Variants in KCNIP1 observed in about 807,000 individuals in gnomAD.
KCNIP1 encodes A-type potassium channel modulatory protein KCNIP1.
Under a neutral mutation model 33.0 loss-of-function variants are expected in KCNIP1, and 18 were observed. The observed-to-expected ratio is 0.55, with a 90% CI of 0.38 to 0.81. KCNIP1 has a LOEUF of 0.81. Ranked by LOEUF, KCNIP1 falls within the 30% of genes least tolerant of loss-of-function variation. The pLI is 0.00. For missense variants in KCNIP1, 238 were observed against 271.6 expected, an observed-to-expected ratio of 0.88 and a Z score of 0.87; for synonymous variants, 93 against 98.3, an observed-to-expected ratio of 0.95 and a Z score of 0.32.
chr5:170,447,522 G>A (rs770341476), intron 1 of KCNIP1, among the ~76,000 whole-genome samples: 22 of 152,124 alleles, frequency 1.4e-4, no homozygotes, highest in South Asian at 2.1e-4. Flanking sequence ...ACAGGACCCC[G>A]TTTGTGAAGG....
In KCNIP1 at chr5:170,463,886, G is replaced by A. The variant is rs986743329; in HGVS notation, c.88+109922G>A. ...GAAAGGAAGAAATAAAACTATTTCC[G>A]GATGATACCACCTTATATAGAGACA... On this transcript the variant is annotated intron_variant, in intron 1 of 7. Coordinates refer to the KCNIP1 transcript ENST00000377360. Among the ~76,000 whole-genome samples, 4 of 152,170 alleles carry A rather than the reference G, an allele frequency of 2.6e-5. No homozygotes were observed. In the East Asian group the frequency reaches 5.8e-4, roughly 22 times the overall value.
At chr5:170,715,397 C>T (rs1763612703) in intron 1 of KCNIP1, among the ~76,000 whole-genome samples, 1 of 151,998 alleles carries the variant, frequency 6.6e-6, no homozygotes, top group Non-Finnish European at 1.5e-5. Flanking sequence ...ATTTTTTTTC[C>T]TGAGAGAGTC....
chr5:170,544,407 T>TTGATACTTCATTTACCA (rs1183291568), intron 1 of KCNIP1, among the ~76,000 whole-genome samples: 3 of 152,178 alleles, frequency 2.0e-5, no homozygotes, highest in African/African-American at 7.2e-5. Flanking sequence ...CTAGATCTCA[T>TTGATACTTCATTTACCA]TGATACTTCA....
At chr5:170,488,096 G>C (rs557179897) in intron 1 of KCNIP1, among the ~76,000 whole-genome samples, 7 of 152,178 alleles carry the variant, frequency 4.6e-5, no homozygotes, top group Non-Finnish European at 8.8e-5. Context: ...GTGCCTCCTG[G>C]AATAGCCTTT....
intron 1 of KCNIP1, among the ~76,000 whole-genome samples, chr5:170,390,517 A>AAAAAAAAAAAAAAAATATAT: frequency 2.7e-5 from 2 of 74,544 alleles, no homozygotes; most frequent in African/African-American, 1.3e-4. Context: ...AAAAAAAACA[A>AAAAAAAAAAAAAAAATATAT]ATATATATAT....
intron 1 of KCNIP1, among the ~76,000 whole-genome samples, chr5:170,469,680 C>T (rs1035445072): frequency 1.3e-5 from 2 of 152,222 alleles, no homozygotes; most frequent in African/African-American, 4.8e-5. Flanking sequence ...ATCTCTTACT[C>T]TCCGGCTTTC....
At chr5:170,567,177 G>A (rs1458727738) in intron 1 of KCNIP1, among the ~76,000 whole-genome samples, 1 of 152,208 alleles carries the variant, frequency 6.6e-6, no homozygotes, top group East Asian at 1.9e-4. Flanking sequence ...TTGGTGACAT[G>A]TTTAATGAGC....
intron 1 of KCNIP1, among the ~76,000 whole-genome samples, chr5:170,447,361 A>G (rs942751423): frequency 2.6e-5 from 4 of 152,018 alleles, no homozygotes; most frequent in African/African-American, 9.7e-5. Flanking sequence ...AGCAGACCCT[A>G]CCTCTCATCA....
intron 1 of KCNIP1, chr5:170,354,068 G>A (rs1763282187): frequency 1.9e-6 from 2 of 1,073,208 alleles, no homozygotes; most frequent in African/African-American, 1.6e-5. Context: ...CCCAGGTCTT[G>A]GAAAAAGCTG....
intron 6 of KCNIP1, 53 bp downstream of exon 6, chr5:170,732,957 A>C (rs1764255390): frequency 2.8e-6 from 3 of 1,075,860 alleles, no homozygotes; most frequent in Non-Finnish European, 4.3e-6. Flanking sequence ...GATCAAGTCA[A>C]CCCACGAGCA....
At chr5:170,492,754 T>G (rs1162474673) in intron 1 of KCNIP1, among the ~76,000 whole-genome samples, 1 of 143,712 alleles carries the variant, frequency 7.0e-6, no homozygotes. Flanking sequence ...CAAATATCTA[T>G]CTATTTATTT....
chr5:170,656,711 C>T (rs74537208), intron 1 of KCNIP1, among the ~76,000 whole-genome samples: 8,340 of 152,280 alleles, frequency 0.055, 299 homozygotes, highest in Non-Finnish European at 0.081. Flanking sequence ...GCACAGTCAC[C>T]ATCTCATAGA....
chr5:170,617,834 G>A (rs765165572), intron 1 of KCNIP1, among the ~76,000 whole-genome samples: 2 of 152,204 alleles, frequency 1.3e-5, no homozygotes, highest in Non-Finnish European at 2.9e-5. Flanking sequence ...CATTCTCTGT[G>A]CAGTGAATGG....
chr5:170,669,074 T>C (rs1439593156), intron 1 of KCNIP1, among the ~76,000 whole-genome samples: 3 of 152,192 alleles, frequency 2.0e-5, no homozygotes, highest in East Asian at 3.8e-4. Context: ...CTCTACCAAC[T>C]GTAGGCCTGC....
chr5:170,555,164 G>A (rs960447265), intron 1 of KCNIP1, among the ~76,000 whole-genome samples: 2 of 152,264 alleles, frequency 1.3e-5, no homozygotes, highest in Admixed American at 6.5e-5. Flanking sequence ...GTTCCCCAGC[G>A]AGACCGAGAC....
At chr5:170,491,143 C>T (rs1267042077) in intron 1 of KCNIP1, among the ~76,000 whole-genome samples, 1 of 152,092 alleles carries the variant, frequency 6.6e-6, no homozygotes, top group Non-Finnish European at 1.5e-5. Context: ...TCCGGACCTC[C>T]CCTCCCTCTG....
intron 1 of KCNIP1, among the ~76,000 whole-genome samples, chr5:170,579,012 G>T (rs2113511351): frequency 6.6e-6 from 1 of 152,302 alleles, no homozygotes; most frequent in Middle Eastern, 3.4e-3. Context: ...GCAGGAGTAA[G>T]TGTATCAGTC....
chr5:170,463,647 CTAGAAA>C (rs1756552656), intron 1 of KCNIP1, among the ~76,000 whole-genome samples: 1 of 152,076 alleles, frequency 6.6e-6, no homozygotes, highest in Admixed American at 6.5e-5. Context: ...ACTCAACAAA[CTAGAAA>C]TAGAGTGGAA....
chr5:170,418,792 C>G (rs1175266413), intron 1 of KCNIP1, among the ~76,000 whole-genome samples: 1 of 152,220 alleles, frequency 6.6e-6, no homozygotes, highest in Non-Finnish European at 1.5e-5. Flanking sequence ...CACCATCCCT[C>G]CACATTTCCA....
Sources: allele counts gnomAD v4.1 joint callset (sites outside exome capture counted in the v4.1 genomes callset), GRCh38; gene constraint gnomAD v4.1.1; transcripts MANE v1.5; gene names NCBI Gene and HGNC (gene_info 2026-07-23, HGNC 2026-07-21).